Variants in EPHB1 observed in about 807,000 individuals in gnomAD.
EPHB1 encodes the protein EPH receptor B1, also known as ephrin type-B receptor 1.
Under a neutral mutation model 94.4 loss-of-function variants are expected in EPHB1, and 30 were observed. That is an observed-to-expected ratio of 0.32 (90% CI 0.24 to 0.43). The LOEUF is 0.43. Ranked by LOEUF, EPHB1 falls within the 20% of genes least tolerant of loss-of-function variation. The pLI is 1.00. For missense variants in EPHB1, 1,055 were observed against 1,308.3 expected (o/e 0.81, Z 2.99); for synonymous variants, 522 against 489.1 (o/e 1.07, Z -0.89).
At chr3:134,915,872 G>A (rs2038558162) in intron 1 of EPHB1, among the ~76,000 whole-genome samples, 1 of 152,216 alleles carries the variant, frequency 6.6e-6, no homozygotes, top group South Asian at 2.1e-4. Flanking sequence ...ATTGCAAAGA[G>A]CGAAAGAGCA....
At chr3:135,058,444 A>G (rs1250818027) in intron 3 of EPHB1, among the ~76,000 whole-genome samples, 2 of 152,084 alleles carry the variant, frequency 1.3e-5, no homozygotes, top group African/African-American at 4.8e-5. Context: ...CTGTATATCT[A>G]GCTTGTCTTT....
At chr3:135,201,810 G>A in intron 12 of EPHB1, 121 bp downstream of exon 12, 1 of 937,722 alleles carries the variant, frequency 1.1e-6, no homozygotes, top group Non-Finnish European at 1.6e-6. Flanking sequence ...GCTCTCCACT[G>A]AAAGACCAAG....
At chr3:134,906,615 T>C (rs2038336015) in intron 1 of EPHB1, among the ~76,000 whole-genome samples, 2 of 152,224 alleles carry the variant, frequency 1.3e-5, no homozygotes, top group South Asian at 4.1e-4. Context: ...ATAGTTTGCT[T>C]ACATGAGGTA....
At chr3:135,003,945 T>G (rs556812261) in intron 3 of EPHB1, among the ~76,000 whole-genome samples, 22 of 152,158 alleles carry the variant, frequency 1.4e-4, no homozygotes, top group African/African-American at 5.1e-4. Flanking sequence ...ATTGGAGCAT[T>G]TAGTCCATTT....
rs942755175 is a variant in EPHB1, at chr3:134,795,508, C to T, written c.-124C>T. On this transcript the variant is annotated 5_prime_UTR_variant, in exon 1 of 16. Coordinates refer to ENST00000398015, the MANE Select transcript of EPHB1 (RefSeq NM_004441.5). ...ACGCAGCGCTCCGGGAAGTCCGGTC[C>T]GGGCGAGAGCGCGAAAGGATACCGA... 1 of 929,446 alleles carries T rather than the reference C, an allele frequency of 1.1e-6. No homozygotes were observed. Among genetic ancestry groups the T allele is most frequent in the Non-Finnish European group, 1.6e-6 (1 of 627,706 alleles). The allele number at this position is 929,446 out of a possible 1,614,324, so 57.6% of individuals were successfully genotyped here. A position where few individuals can be genotyped will look rare whatever the true frequency, so the allele number is the denominator to read the frequency against.
At chr3:135,179,379 A>C (rs1256445720) in intron 9 of EPHB1, among the ~76,000 whole-genome samples, 2 of 152,204 alleles carry the variant, frequency 1.3e-5, no homozygotes, top group Non-Finnish European at 2.9e-5. Flanking sequence ...TTTGTAAAAA[A>C]ATCCATCCTC....
At chr3:135,146,018 G>T (rs1018670029) in intron 5 of EPHB1, among the ~76,000 whole-genome samples, 3 of 152,184 alleles carry the variant, frequency 2.0e-5, no homozygotes, top group African/African-American at 4.8e-5. Flanking sequence ...CATGGTCCTT[G>T]CCTAAAGACT....
chr3:134,984,295 C>T (rs923074968), intron 3 of EPHB1, among the ~76,000 whole-genome samples: 2 of 152,108 alleles, frequency 1.3e-5, no homozygotes, highest in Admixed American at 1.3e-4. Flanking sequence ...CACTGCAGCT[C>T]GGCCGTCTTC....
intron 3 of EPHB1, among the ~76,000 whole-genome samples, chr3:134,962,037 G>A (rs906413761): frequency 1.9e-4 from 29 of 152,032 alleles, no homozygotes; most frequent in African/African-American, 7.0e-4. Context: ...TTTTAATTTT[G>A]GTAGATATTC....
intron 4 of EPHB1, among the ~76,000 whole-genome samples, chr3:135,116,149 G>A (rs368818370): frequency 2.0e-5 from 3 of 152,208 alleles, no homozygotes; most frequent in Admixed American, 6.5e-5. Flanking sequence ...AGGAGGCAAA[G>A]GTTACATTGA....
intron 1 of EPHB1, among the ~76,000 whole-genome samples, chr3:134,821,944 G>A (rs1195672371): frequency 1.3e-5 from 2 of 152,190 alleles, no homozygotes; most frequent in African/African-American, 4.8e-5. Flanking sequence ...TAACAGCAGA[G>A]TGGCCCTTCC....
chr3:135,012,846 G>C (rs1159154048), intron 3 of EPHB1, among the ~76,000 whole-genome samples: 1 of 152,162 alleles, frequency 6.6e-6, no homozygotes, highest in Admixed American at 6.5e-5. Flanking sequence ...GGCAAATGGT[G>C]AACTAGCAGA....
intron 1 of EPHB1, among the ~76,000 whole-genome samples, chr3:134,851,160 G>A (rs2036975984): frequency 6.6e-6 from 1 of 152,230 alleles, no homozygotes; most frequent in Non-Finnish European, 1.5e-5. Flanking sequence ...GGGCCAGCAG[G>A]CCTTGTCTGG....
chr3:135,037,910 G>A (rs890213852), intron 3 of EPHB1, among the ~76,000 whole-genome samples: 3 of 152,208 alleles, frequency 2.0e-5, no homozygotes, highest in African/African-American at 7.2e-5. Flanking sequence ...CAGGAATTCT[G>A]CAGTTAGTGT....
At chr3:134,888,014 C>T (rs1401625238) in intron 1 of EPHB1, among the ~76,000 whole-genome samples, 1 of 152,154 alleles carries the variant, frequency 6.6e-6, no homozygotes, top group Non-Finnish European at 1.5e-5. Context: ...AGGACTTGAG[C>T]CCCTCTTCCC....
intron 1 of EPHB1, among the ~76,000 whole-genome samples, chr3:134,867,765 C>T (rs928138293): frequency 6.6e-6 from 1 of 152,122 alleles, no homozygotes; most frequent in Non-Finnish European, 1.5e-5. Context: ...CCCTATTACC[C>T]GCCCTTGGCA....
chr3:135,073,696 G>C (rs897145603), intron 3 of EPHB1, among the ~76,000 whole-genome samples: 1 of 151,730 alleles, frequency 6.6e-6, no homozygotes. Context: ...TTTGAATCAG[G>C]CTAAGAAGTT....
intron 3 of EPHB1, among the ~76,000 whole-genome samples, chr3:135,050,003 C>T (rs915413317): frequency 1.3e-5 from 2 of 152,168 alleles, no homozygotes; most frequent in African/African-American, 4.8e-5. Context: ...TGGTGCCTGC[C>T]TCCTCTTACC....
chr3:135,211,625 T>C (rs1943034971), intron 12 of EPHB1, among the ~76,000 whole-genome samples: 1 of 152,264 alleles, frequency 6.6e-6, no homozygotes, highest in South Asian at 2.1e-4. Context: ...CATTGTCTTG[T>C]GGTTGCCATG....
Sources: gnomAD v4.1 joint callset for allele counts (sites outside exome capture counted in the v4.1 genomes callset) on GRCh38, gnomAD v4.1.1 for gene constraint, MANE v1.5 for transcripts, NCBI Gene and HGNC (gene_info 2026-07-23, HGNC 2026-07-21) for gene names.